NRXN1: variants seen among roughly 807,000 people sequenced by gnomAD.
NRXN1 encodes neurexin-1.
NRXN1 carries 39 observed loss-of-function variants against 150.9 expected under a neutral mutation model. The ratio of observed to expected loss-of-function variants is 0.26; its 90% confidence interval spans 0.20 to 0.34. NRXN1 has a LOEUF of 0.34. Ranked by LOEUF, NRXN1 falls within the 10% of genes least tolerant of loss-of-function variation. NRXN1 has a pLI of 1.00. For synonymous variants in NRXN1, 924 were observed against 757.0 expected (o/e 1.22, Z -3.62); for missense variants, 1,815 against 1,949.9 (o/e 0.93, Z 1.30).
chr2:50,725,169 G>A (rs574320398), intron 5 of NRXN1, among the ~76,000 whole-genome samples: 12 of 151,942 alleles, frequency 7.9e-5, no homozygotes, highest in Admixed American at 3.9e-4. Context: ...ATATTATCTC[G>A]ATGTGACCTT....
At chr2:50,483,908 T>C (rs938240704) in intron 15 of NRXN1, among the ~76,000 whole-genome samples, 2 of 152,236 alleles carry the variant, frequency 1.3e-5, no homozygotes, top group Non-Finnish European at 2.9e-5. Flanking sequence ...TTAGACTTTC[T>C]TTCCCAAAAT....
chr2:50,483,967 G>C (rs1361537687), intron 15 of NRXN1, among the ~76,000 whole-genome samples: 3 of 152,104 alleles, frequency 2.0e-5, no homozygotes, highest in East Asian at 3.9e-4. Context: ...CAAAACAAAC[G>C]AACATTTATT....
intron 17 of NRXN1, among the ~76,000 whole-genome samples, chr2:50,269,709 A>G (rs2069335112): frequency 6.6e-6 from 1 of 152,222 alleles, no homozygotes; most frequent in Non-Finnish European, 1.5e-5. Context: ...TTCTCATGAT[A>G]TATAAATTAG....
Position 50,865,667 on chromosome 2 carries a change from T to TTTG in NRXN1, c.832+56201_832+56202insCAA, listed in dbSNP as rs1559368653. On this transcript the variant is annotated intron_variant, in intron 5 of 22. Transcript: ENST00000401669. ...CAGTAAGCATTTGAAAGTTTTTTTTTTTTTTTTTTTTTTTTTTTTGGTGGT... is the reference window on the plus strand; with the variant it reads ...CAGTAAGCATTTGAAAGTTTTTTTTTTTGTTTTTTTTTTTTTTTTTTTGGTGGT... Among the ~76,000 whole-genome samples, 73 of 131,652 alleles carry TTTG rather than the reference T, an allele frequency of 5.5e-4. 2 individuals carry two copies. Among genetic ancestry groups the TTTG allele is most frequent in the Non-Finnish European group, 1.0e-3 (61 of 60,760 alleles). 86.4% of individuals were successfully genotyped at this position (131,652 alleles called of 152,430 possible).
intron 5 of NRXN1, among the ~76,000 whole-genome samples, chr2:50,731,424 C>CTTAGATTTATTATTAGAG (rs1698092986): frequency 6.6e-6 from 1 of 152,142 alleles, no homozygotes; most frequent in Non-Finnish European, 1.5e-5. Flanking sequence ...TACCAGGAAA[C>CTTAGATTTATTATTAGAG]ATCTTGGTAA....
chr2:51,011,790 A>G (rs1667915850), intron 2 of NRXN1, among the ~76,000 whole-genome samples: 1 of 152,038 alleles, frequency 6.6e-6, no homozygotes, highest in Non-Finnish European at 1.5e-5. Flanking sequence ...AAGGAGCAGT[A>G]CTATTTATAA....
intron 5 of NRXN1, among the ~76,000 whole-genome samples, chr2:50,757,737 A>G (rs538885051): frequency 6.6e-6 from 1 of 151,848 alleles, no homozygotes; most frequent in South Asian, 2.1e-4. Flanking sequence ...TGACCAGGAA[A>G]AAGTTGAGGG....
chr2:50,478,603 A>G (rs1442192695), intron 15 of NRXN1, among the ~76,000 whole-genome samples: 1 of 152,186 alleles, frequency 6.6e-6, no homozygotes, highest in African/African-American at 2.4e-5. Context: ...TTGGTACATA[A>G]AAGGTTTAGC....
At chr2:50,621,832 C>A (rs1436170737) in intron 6 of NRXN1, among the ~76,000 whole-genome samples, 2 of 152,066 alleles carry the variant, frequency 1.3e-5, no homozygotes, top group Non-Finnish European at 2.9e-5. Context: ...AAGCAAAGAT[C>A]CTGACACATA....
intron 8 of NRXN1, among the ~76,000 whole-genome samples, chr2:50,612,795 T>C (rs192170295): frequency 3.9e-4 from 60 of 152,312 alleles, no homozygotes; most frequent in Middle Eastern, 3.4e-3. Context: ...ATGTGTTCTG[T>C]TGAGGTCTCA....
At chr2:50,747,410 G>A (rs1398237920) in intron 5 of NRXN1, among the ~76,000 whole-genome samples, 1 of 152,070 alleles carries the variant, frequency 6.6e-6, no homozygotes, top group Non-Finnish European at 1.5e-5. Flanking sequence ...GATGTTTGGT[G>A]GAAACAAACC....
chr2:50,740,160 G>C (rs1699260425), intron 5 of NRXN1, among the ~76,000 whole-genome samples: 1 of 152,160 alleles, frequency 6.6e-6, no homozygotes, highest in Admixed American at 6.6e-5. Context: ...TTTAGTGACA[G>C]TGGGCTTTGG....
At chr2:50,830,103 C>T (rs1004047971) in intron 5 of NRXN1, among the ~76,000 whole-genome samples, 1 of 147,964 alleles carries the variant, frequency 6.8e-6, no homozygotes, top group South Asian at 2.2e-4. Flanking sequence ...TGCTAATTGG[C>T]ACTAGGGCAT....
intron 18 of NRXN1, among the ~76,000 whole-genome samples, chr2:50,233,032 T>C (rs933835607): frequency 2.6e-5 from 4 of 152,036 alleles, no homozygotes; most frequent in African/African-American, 4.8e-5. Context: ...CAGAGTTATA[T>C]AGAAATTAAA....
intron 5 of NRXN1, among the ~76,000 whole-genome samples, chr2:50,680,556 T>A (rs1181010506): frequency 6.6e-6 from 1 of 152,088 alleles, no homozygotes; most frequent in Non-Finnish European, 1.5e-5. Context: ...ATCAACTGGA[T>A]CCTTTCAAAT....
intron 17 of NRXN1, among the ~76,000 whole-genome samples, chr2:50,352,410 G>T (rs1359245138): frequency 6.6e-6 from 1 of 151,986 alleles, no homozygotes; most frequent in Non-Finnish European, 1.5e-5. Context: ...AACCCTTAAA[G>T]CTCAGTATTA....
intron 18 of NRXN1, among the ~76,000 whole-genome samples, chr2:50,116,895 T>C (rs568985656): frequency 6.6e-6 from 1 of 152,246 alleles, no homozygotes; most frequent in East Asian, 1.9e-4. Context: ...TTTCCTGAGA[T>C]GCGACCAACT....
At chr2:50,627,744 C>T (rs1371574514) in intron 5 of NRXN1, among the ~76,000 whole-genome samples, 1 of 151,482 alleles carries the variant, frequency 6.6e-6, no homozygotes, top group Non-Finnish European at 1.5e-5. Flanking sequence ...GCAGCCCAAC[C>T]CATTAATTTA....
chr2:50,121,543 C>T (rs1315269860), intron 18 of NRXN1, among the ~76,000 whole-genome samples: 1 of 152,128 alleles, frequency 6.6e-6, no homozygotes, highest in Non-Finnish European at 1.5e-5. Flanking sequence ...TAAATATCAA[C>T]ACTATGGATT....
Sources: gnomAD v4.1 joint callset for allele counts (sites outside exome capture counted in the v4.1 genomes callset) on GRCh38, gnomAD v4.1.1 for gene constraint, MANE v1.5 for transcripts, NCBI Gene and HGNC (gene_info 2026-07-23, HGNC 2026-07-21) for gene names.